The following TM9SF4 variants were observed in gnomAD, a reference collection of about 807,000 sequenced individuals.
TM9SF4 encodes dinucleotide oxidase disulfide thiol exchanger 3 superfamily member 4.
Under a neutral mutation model 90.4 loss-of-function variants are expected in TM9SF4, and 26 were observed. The observed-to-expected ratio is 0.29, with a 90% confidence interval of 0.21 to 0.40. TM9SF4 has a LOEUF of 0.40. Among genes scored for constraint, TM9SF4 ranks in the 10% least tolerant of loss-of-function variants. The pLI, the probability that TM9SF4 is intolerant of heterozygous loss-of-function variation, is 1.00. For missense variants in TM9SF4, 549 were observed against 834.8 expected (o/e 0.66, Z 4.22); for synonymous variants, 293 against 315.4 (o/e 0.93, Z 0.75).
chr20:32,113,309 A>T (rs1303533074), intron 1 of TM9SF4, among the ~76,000 whole-genome samples: 1 of 152,116 alleles, frequency 6.6e-6, no homozygotes, highest in East Asian at 1.9e-4. Context: ...GTCAGTATGG[A>T]GGGTGTTTCC....
chr20:32,123,866 A>ATATATATATATATATATATTTTTTT, intron 1 of TM9SF4, among the ~76,000 whole-genome samples: 71 of 93,936 alleles, frequency 7.6e-4, no homozygotes, highest in African/African-American at 3.0e-3. Flanking sequence ...ATATATATAT[A>ATATATATATATATATATATTTTTTT]TTTTTTTTTT....
At chr20:32,165,087 A>G (rs949506931) in intron 17 of TM9SF4, among the ~76,000 whole-genome samples, 4 of 152,110 alleles carry the variant, frequency 2.6e-5, no homozygotes, top group African/African-American at 7.2e-5. Context: ...CCCTGAGGCT[A>G]TGAGCATTAG....
chr20:32,141,522 T>C lies in TM9SF4; in HGVS notation c.255T>C (p.Ile85=). ...NLGEVLRGDR[I]VNTPFQVLMN... is the part of the protein sequence containing the mutation. ...GAGAGGTGCTGAGAGGGGACCGGAT[T>C]GTCAACACCCCTTTCCAGGTTCTCA... The change falls in exon 4 of 18, where the codon ATT becomes ATC. Residue 85 remains isoleucine, a synonymous_variant. Transcript: ENST00000398022. 1 of 1,614,096 alleles carries C rather than the reference T, an allele frequency of 6.2e-7. No homozygotes were observed.
chr20:32,116,878 T>C (rs1249471947), intron 1 of TM9SF4, among the ~76,000 whole-genome samples: 2 of 141,098 alleles, frequency 1.4e-5, no homozygotes, highest in South Asian at 2.3e-4. Flanking sequence ...TTTTTTTTTT[T>C]TTTTTTTTTT....
intron 12 of TM9SF4, among the ~76,000 whole-genome samples, 172 bp downstream of exon 12, chr20:32,151,047 C>G (rs1488273369): frequency 6.6e-6 from 1 of 152,102 alleles, no homozygotes; most frequent in Non-Finnish European, 1.5e-5. Context: ...GGCTGTTACC[C>G]ACAGGCTCGC....
rs1010313473 is a variant in TM9SF4 at position 32,142,583 on chromosome 20, A to G, written c.529-399A>G. ...CGAGGTCAGAGGGAGCTCCTTTTAC[A>G]CTCAGGTTGTCACAGAGGAGGTGGG... On this transcript the variant is annotated intron_variant, in intron 5 of 17. Coordinates refer to ENST00000398022, the MANE Select transcript of TM9SF4 (RefSeq NM_014742.4). 2.6e-5 allele frequency among the ~76,000 whole-genome samples: 4 copies of G among 151,990 alleles called. 1 individual carries two copies.
intron 12 of TM9SF4, 40 bp downstream of exon 12, chr20:32,150,915 A>G (rs1277499039): frequency 1.2e-6 from 2 of 1,608,690 alleles, no homozygotes; most frequent in Non-Finnish European, 1.7e-6. Flanking sequence ...TGGGAAGCAG[A>G]GAAGCTTCTT....
At chr20:32,111,371 C>G (rs1395885954) in intron 1 of TM9SF4, among the ~76,000 whole-genome samples, 3 of 152,222 alleles carry the variant, frequency 2.0e-5, no homozygotes, top group African/African-American at 7.2e-5. Flanking sequence ...TACGGCACTG[C>G]ACTGGGAAAT....
intron 3 of TM9SF4, among the ~76,000 whole-genome samples, chr20:32,141,171 C>T (rs928344177): frequency 2.9e-5 from 4 of 136,104 alleles, no homozygotes; most frequent in South Asian, 2.4e-4. Context: ...GAGCTGAGAT[C>T]GTGCCACTGC....
At chr20:32,128,318 C>T (rs1388614915) in intron 1 of TM9SF4, among the ~76,000 whole-genome samples, 1 of 152,226 alleles carries the variant, frequency 6.6e-6, no homozygotes, top group Non-Finnish European at 1.5e-5. Context: ...TCTACCTAAG[C>T]AGTGGTTTTT....
In TM9SF4 at chr20:32,165,973, C is replaced by G. The variant is rs1169011586; in HGVS notation, c.*529C>G. 1 of 155,114 alleles carries G rather than the reference C, an allele frequency of 6.4e-6. No individual in the cohort carries two copies. Among genetic ancestry groups the G allele is most frequent in the Non-Finnish European group, 1.4e-5 (1 of 69,864 alleles). 9.6% of individuals were successfully genotyped at this position (155,114 alleles called of 1,614,324 possible). Reference sequence around the variant, plus strand: ...AGCACAGCTCCAGCTCGGACAGCACCCTCAGTGCCAGCCAGCCTCTGCCAG... The same window carrying G: ...AGCACAGCTCCAGCTCGGACAGCACGCTCAGTGCCAGCCAGCCTCTGCCAG... On this transcript the variant is annotated 3_prime_UTR_variant, in exon 18 of 18. Transcript: ENST00000398022.
At chr20:32,154,618 A>G (rs2046891255) in intron 12 of TM9SF4, among the ~76,000 whole-genome samples, 1 of 151,744 alleles carries the variant, frequency 6.6e-6, no homozygotes, top group African/African-American at 2.4e-5. Context: ...CACACCGGCT[A>G]TTTTTTGTAT....
chr20:32,134,707 C>G (rs1462910086), intron 2 of TM9SF4, among the ~76,000 whole-genome samples: 4 of 150,782 alleles, frequency 2.7e-5, no homozygotes, highest in African/African-American at 4.9e-5. Flanking sequence ...GAATCTTGCT[C>G]TGTCACCCAG....
At chr20:32,132,984 A>C in intron 1 of TM9SF4, 29 bp from the exon 2 acceptor site, 2 of 1,600,216 alleles carry the variant, frequency 1.2e-6, no homozygotes, top group East Asian at 2.2e-5. Flanking sequence ...TCTTCTCCCC[A>C]ATCCAACCCT....
At chr20:32,136,998 G>T (rs1277497493) in intron 3 of TM9SF4, 5 of 468,552 alleles carry the variant, frequency 1.1e-5, no homozygotes, top group Non-Finnish European at 2.2e-5. Context: ...CTACTGCCAG[G>T]TATTGGGGGT....
At chr20:32,109,908 A>C in intron 1 of TM9SF4, 153 bp downstream of exon 1, 1 of 1,478,038 alleles carries the variant, frequency 6.8e-7, no homozygotes, top group Non-Finnish European at 9.0e-7. Flanking sequence ...CTTCCCCGAA[A>C]TCCACCTCCC....
Position 32,158,405 on chromosome 20 carries a change from C to T in TM9SF4, c.1506-46C>T, listed in dbSNP as rs759734219. 5.0e-6 allele frequency: 8 copies of T among 1,604,372 alleles called. No individual in the cohort carries two copies. In the Admixed American group the frequency reaches 1.3e-4, roughly 27 times the overall value. ...AGCTTGGGAAGGAGCTTGGGGCTTCCTGGTGGCCTGGTCTCTAACAATGTC... is the reference window on the plus strand; with the variant it reads ...AGCTTGGGAAGGAGCTTGGGGCTTCTTGGTGGCCTGGTCTCTAACAATGTC... On this transcript the variant is annotated intron_variant, in intron 14 of 17. Transcript: ENST00000398022.
At chr20:32,149,879 C>A in intron 10 of TM9SF4, 113 bp downstream of exon 10, 1 of 1,438,200 alleles carries the variant, frequency 7.0e-7, no homozygotes, top group African/African-American at 1.4e-5. Flanking sequence ...CTCCTGGCAC[C>A]AAGTGGGCAT....
chr20:32,146,587 C>G (rs1393599034), intron 8 of TM9SF4, among the ~76,000 whole-genome samples, 198 bp from the exon 9 acceptor site: 1 of 152,118 alleles, frequency 6.6e-6, no homozygotes, highest in African/African-American at 2.4e-5. Flanking sequence ...CACCTCCATG[C>G]TCTGTGCTCT....
Sources: allele counts gnomAD v4.1 joint callset (sites outside exome capture counted in the v4.1 genomes callset), GRCh38; gene constraint gnomAD v4.1.1; transcripts MANE v1.5; gene names NCBI Gene and HGNC (gene_info 2026-07-23, HGNC 2026-07-21).